CPED1: variants seen among roughly 807,000 people sequenced by gnomAD.
CPED1 encodes the protein cadherin like and PC-esterase domain containing 1, also known as cadherin-like and PC-esterase domain-containing protein 1.
A neutral mutation model predicts 128.2 loss-of-function variants in CPED1; 114 were observed. That is an observed-to-expected ratio of 0.89 (90% CI 0.76 to 1.04). The LOEUF is 1.04. CPED1 is among the 50% of genes least tolerant of loss of function. The probability of loss-of-function intolerance (pLI) is 0.00; values close to 1 mark genes in which losing one functional copy is unlikely to be tolerated. For missense variants in CPED1, 1,211 were observed against 1,207.1 expected (o/e 1.00, Z -0.05); for synonymous variants, 462 against 426.7 (o/e 1.08, Z -1.02).
chr7:121,018,916 G>A (rs1792370326), intron 3 of CPED1, among the ~76,000 whole-genome samples: 1 of 152,006 alleles, frequency 6.6e-6, no homozygotes, highest in Non-Finnish European at 1.5e-5. Flanking sequence ...ATCCTTTGAA[G>A]GACACATGGC....
At chr7:120,992,954 A>G (rs1369281428) in intron 2 of CPED1, among the ~76,000 whole-genome samples, 1 of 152,176 alleles carries the variant, frequency 6.6e-6, no homozygotes, top group Non-Finnish European at 1.5e-5. Context: ...ATGGTATAAT[A>G]TATGCCAACT....
intron 17 of CPED1, among the ~76,000 whole-genome samples, chr7:121,243,708 A>G (rs1186471723): frequency 6.6e-6 from 1 of 152,212 alleles, no homozygotes; most frequent in Non-Finnish European, 1.5e-5. Flanking sequence ...AAAATAACTA[A>G]TCTTCAAAAT....
chr7:121,034,968 G>A (rs1374934284), intron 3 of CPED1, among the ~76,000 whole-genome samples: 3 of 152,190 alleles, frequency 2.0e-5, no homozygotes, highest in South Asian at 2.1e-4. Flanking sequence ...GGGGATCTAG[G>A]AAGGTGTCAC....
chr7:120,998,561 T>C (rs1240084451), intron 2 of CPED1, among the ~76,000 whole-genome samples: 10 of 152,196 alleles, frequency 6.6e-5, no homozygotes, highest in Admixed American at 3.9e-4. Context: ...CTGTGGACCC[T>C]ATAGACCCTA....
chr7:121,182,228 T>C (rs1164515050), intron 16 of CPED1, among the ~76,000 whole-genome samples: 1 of 149,312 alleles, frequency 6.7e-6, no homozygotes, highest in Non-Finnish European at 1.5e-5. Context: ...GTTTTAATGA[T>C]GTTACATTTC....
rs139684091 is a variant in CPED1, at chr7:121,140,984, G to C, written c.1857G>C (p.Lys619Asn). The change falls in exon 15 of 23, where the codon AAG becomes AAC. Residue 619 changes from lysine (K) to asparagine (N), a missense_variant. Lys to Asn is a moderately conservative substitution (Grantham distance 94). Transcript: ENST00000310396. ...IGVETPKCLC[K>N]VHLYEQAGPS... ...TGGAAACTCCTAAGTGTCTGTGCAA[G>C]GTGCACCTGTACGAGCAGGCAGGGC... 2.2e-5 allele frequency: 36 copies of C among 1,611,660 alleles called. No individual in the cohort carries two copies. In the African/African-American group the frequency reaches 3.9e-4, roughly 17 times the overall value.
At chr7:121,246,403 C>T (rs1798535895) in intron 18 of CPED1, among the ~76,000 whole-genome samples, 1 of 152,214 alleles carries the variant, frequency 6.6e-6, no homozygotes, top group African/African-American at 2.4e-5. Context: ...ACTTATTTCT[C>T]ACAGTTCTGG....
intron 5 of CPED1, among the ~76,000 whole-genome samples, chr7:121,065,434 C>A (rs563450174): frequency 7.6e-4 from 116 of 152,020 alleles, no homozygotes; most frequent in African/African-American, 2.7e-3. Context: ...TAATTATTTT[C>A]GTTAATACAA....
At chr7:121,009,769 G>A (rs1429468743) in intron 2 of CPED1, among the ~76,000 whole-genome samples, 2 of 152,186 alleles carry the variant, frequency 1.3e-5, no homozygotes, top group Non-Finnish European at 2.9e-5. Flanking sequence ...AGACCACAAT[G>A]TCTAAGATAT....
chr7:121,015,400 A>G (rs774356843), intron 2 of CPED1, among the ~76,000 whole-genome samples: 2 of 152,210 alleles, frequency 1.3e-5, no homozygotes, highest in African/African-American at 2.4e-5. Context: ...CTGTATTTCT[A>G]TGCATCAGTA....
chr7:121,015,499 T>C (rs1792277717), intron 2 of CPED1, among the ~76,000 whole-genome samples, 166 bp from the exon 3 acceptor site: 1 of 152,262 alleles, frequency 6.6e-6, no homozygotes, highest in Admixed American at 6.5e-5. Context: ...AGTTCTTGCA[T>C]ATGAGGTCAT....
intron 18 of CPED1, among the ~76,000 whole-genome samples, chr7:121,259,432 T>C (rs1791961463): frequency 1.3e-5 from 2 of 152,064 alleles, no homozygotes; most frequent in African/African-American, 4.8e-5. Flanking sequence ...AATAATTTCA[T>C]TTATAGATTT....
At chr7:121,074,527 T>TTTTTTTTTTGG (rs71170223) in intron 5 of CPED1, among the ~76,000 whole-genome samples, 3 of 148,380 alleles carry the variant, frequency 2.0e-5, no homozygotes, top group African/African-American at 7.5e-5. Context: ...TTTTTTTTTT[T>TTTTTTTTTTGG]GAGGGCACCT....
rs560120083 is a variant in CPED1, at chr7:121,254,641, A to G, written c.2310+10303A>G. Among the ~76,000 whole-genome samples the G allele has an allele frequency of 2.3e-4, 35 of 152,182 alleles. 2 individuals are homozygous for G. In the South Asian group the frequency reaches 7.2e-3, roughly 32 times the overall value. ...CAGAAGTCGGTTCTTCAAAAAGATA[A>G]GTAAGACTGATAGACTAACTAGATT... On this transcript the variant is annotated intron_variant, in intron 18 of 22. Transcript: ENST00000310396.
intron 16 of CPED1, among the ~76,000 whole-genome samples, chr7:121,210,646 T>C (rs1296622589): frequency 6.6e-6 from 1 of 151,972 alleles, no homozygotes; most frequent in Non-Finnish European, 1.5e-5. Flanking sequence ...GAATAATGGT[T>C]ACCAGAGGCT....
intron 18 of CPED1, among the ~76,000 whole-genome samples, chr7:121,261,241 A>G (rs1036387780): frequency 1.7e-4 from 26 of 152,216 alleles, no homozygotes; most frequent in African/African-American, 5.8e-4. Flanking sequence ...TTGTATTTTT[A>G]CCAATAAATA....
Position 121,141,029 on chromosome 7 carries a change from TG to T in CPED1, c.1886+20del, listed in dbSNP as rs1351162700. 5 of 1,593,764 alleles carry T rather than the reference TG, an allele frequency of 3.1e-6. No individual in the cohort carries two copies. Among genetic ancestry groups the T allele is most frequent in the South Asian group, 2.3e-5 (2 of 87,324 alleles). ...CAGGGCCAAGGTATGAGATGTTGAC[TG>T]GGGCTGTGTTGAGACACTATACTGG... On this transcript the variant is annotated intron_variant, in intron 15 of 22. Transcript: ENST00000310396.
intron 18 of CPED1, among the ~76,000 whole-genome samples, chr7:121,257,878 G>T (rs1233423939): frequency 6.6e-6 from 1 of 151,920 alleles, no homozygotes; most frequent in Non-Finnish European, 1.5e-5. Context: ...AATATATTTT[G>T]TTTTCTATAC....
chr7:121,250,555 C>T (rs1446862785), intron 18 of CPED1, among the ~76,000 whole-genome samples: 1 of 152,076 alleles, frequency 6.6e-6, no homozygotes, highest in Non-Finnish European at 1.5e-5. Flanking sequence ...AAAAGATCAA[C>T]AAAATTGATA....
Sources: allele counts gnomAD v4.1 joint callset (sites outside exome capture counted in the v4.1 genomes callset), GRCh38; gene constraint gnomAD v4.1.1; transcripts MANE v1.5; gene names NCBI Gene and HGNC (gene_info 2026-07-23, HGNC 2026-07-21).